The following ANKFN1 variants were observed in gnomAD, a reference collection of about 807,000 sequenced individuals.
The protein encoded by ANKFN1 is ankyrin repeat and fibronectin type III domain containing 1, also known as ankyrin repeat and fibronectin type-III domain-containing protein 1.
ANKFN1 carries 74 observed loss-of-function variants against 108.7 expected under a neutral mutation model. The observed-to-expected ratio is 0.68, with a 90% CI of 0.56 to 0.83. The LOEUF is 0.83. Among genes scored for constraint, ANKFN1 ranks in the 40% least tolerant of loss-of-function variants. The pLI, the probability that ANKFN1 is intolerant of heterozygous loss-of-function variation, is 0.00. For synonymous variants in ANKFN1, 547 were observed against 516.2 expected (o/e 1.06, Z -0.81); for missense variants, 1,505 against 1,382.3 (o/e 1.09, Z -1.41).
rs1555600058 is a variant in ANKFN1 at position 56,144,185 on chromosome 17, A to AT, written c.289-83732_289-83731insT. On this transcript the variant is annotated intron_variant, in intron 4 of 12. Transcript: ENST00000635860. ...AAAAAAAAAAAAAAAAAAAAAAAAA[A>AT]CAGCCCAAACCAAATGAATGCAGAG... Among the ~76,000 whole-genome samples, 13 of 99,240 alleles carry AT rather than the reference A, an allele frequency of 1.3e-4. 2 individuals carry two copies. Among genetic ancestry groups the AT allele is most frequent in the East Asian group, 1.1e-3 (3 of 2,838 alleles). The allele number at this position is 99,240 out of a possible 152,430, so 65.1% of individuals were successfully genotyped here.
At chr17:56,162,456 C>T (rs1054173110) in intron 1 of ANKFN1, among the ~76,000 whole-genome samples, 10 of 152,094 alleles carry the variant, frequency 6.6e-5, no homozygotes, top group African/African-American at 9.7e-5. Context: ...GTTGGGTCTT[C>T]GTGTGGTCCT....
intron 4 of ANKFN1, among the ~76,000 whole-genome samples, chr17:56,082,737 T>C (rs897827738): frequency 4.6e-5 from 7 of 152,210 alleles, no homozygotes; most frequent in African/African-American, 1.2e-4. Flanking sequence ...ATGGGCTTGA[T>C]CACAATCTGG....
At chr17:56,469,987 G>A (rs1325046570) in intron 15 of ANKFN1, among the ~76,000 whole-genome samples, 2 of 152,050 alleles carry the variant, frequency 1.3e-5, no homozygotes, top group East Asian at 3.9e-4. Flanking sequence ...CCCTCCCTGT[G>A]TCCATGTGTT....
At chr17:56,423,782 T>C (rs2048478342) in intron 8 of ANKFN1, among the ~76,000 whole-genome samples, 1 of 152,218 alleles carries the variant, frequency 6.6e-6, no homozygotes, top group African/African-American at 2.4e-5. Flanking sequence ...ATGTGCCTGT[T>C]ATAGGGAGCA....
chr17:56,240,781 A>G (rs1917523494), intron 3 of ANKFN1, among the ~76,000 whole-genome samples: 1 of 152,084 alleles, frequency 6.6e-6, no homozygotes, highest in Admixed American at 6.6e-5. Context: ...ATTTCTAGTG[A>G]AATTGAGCAT....
At chr17:56,421,042 T>G (rs1207493021) in intron 8 of ANKFN1, among the ~76,000 whole-genome samples, 1 of 152,132 alleles carries the variant, frequency 6.6e-6, no homozygotes, top group Non-Finnish European at 1.5e-5. Flanking sequence ...ATTTGTGTGC[T>G]GGGGGGCGGG....
At chr17:56,051,282 G>A (rs1424198772) in intron 4 of ANKFN1, among the ~76,000 whole-genome samples, 58 of 87,230 alleles carry the variant, frequency 6.6e-4, no homozygotes, top group African/African-American at 2.6e-3. Flanking sequence ...ATCAATAAAT[G>A]TAATCCAGCA....
Position 56,113,541 on chromosome 17 carries a change from T to C in ANKFN1, c.288+67216T>C, listed in dbSNP as rs373308447. 3.9e-5 allele frequency among the ~76,000 whole-genome samples: 6 copies of C among 152,208 alleles called. No individual in the cohort carries two copies. The East Asian group carries it at 1.2e-3, about 29-fold the overall frequency. On this transcript the variant is annotated intron_variant, in intron 4 of 12. Coordinates refer to the ANKFN1 transcript ENST00000635860. ...AGCTTTGATTGAATATCTGGACATG[T>C]ACTGTGGAACCATGGACAAGTTACA...
intron 4 of ANKFN1, among the ~76,000 whole-genome samples, chr17:56,097,854 T>C (rs1412632073): frequency 1.3e-5 from 2 of 152,202 alleles, no homozygotes; most frequent in Non-Finnish European, 2.9e-5. Flanking sequence ...AGATTTCCTA[T>C]CTTTATCATA....
chr17:56,371,353 C>A (rs941298667), intron 6 of ANKFN1, among the ~76,000 whole-genome samples: 3 of 152,146 alleles, frequency 2.0e-5, no homozygotes, highest in Non-Finnish European at 4.4e-5. Context: ...TGCACAGAGG[C>A]AATAATAAAT....
At chr17:56,251,516 C>G (rs2144059872) in intron 3 of ANKFN1, among the ~76,000 whole-genome samples, 1 of 152,298 alleles carries the variant, frequency 6.6e-6, no homozygotes, top group South Asian at 2.1e-4. Flanking sequence ...CAACATTTGA[C>G]TTAATTGCAC....
intron 4 of ANKFN1, among the ~76,000 whole-genome samples, chr17:56,106,148 A>T (rs1905748398): frequency 6.6e-6 from 1 of 152,150 alleles, no homozygotes; most frequent in African/African-American, 2.4e-5. Flanking sequence ...TGCAAGGAGG[A>T]TACTATTGTC....
At chr17:56,323,961 G>A (rs932325806) in intron 3 of ANKFN1, among the ~76,000 whole-genome samples, 1 of 152,184 alleles carries the variant, frequency 6.6e-6, no homozygotes, top group African/African-American at 2.4e-5. Flanking sequence ...GACCCTAACA[G>A]CCTAGGGGCT....
intron 1 of ANKFN1, among the ~76,000 whole-genome samples, chr17:56,184,431 G>A (rs1911993312): frequency 6.6e-6 from 1 of 152,104 alleles, no homozygotes; most frequent in Non-Finnish European, 1.5e-5. Flanking sequence ...TAATGCTGTT[G>A]CACAATTAAT....
At chr17:56,240,313 T>C (rs1210281480) in intron 3 of ANKFN1, among the ~76,000 whole-genome samples, 1 of 152,114 alleles carries the variant, frequency 6.6e-6, no homozygotes, top group Non-Finnish European at 1.5e-5. Flanking sequence ...TGCCATTCTG[T>C]ATTTTTTGTC....
At chr17:56,146,368 GC>G (rs1908262034) in intron 4 of ANKFN1, among the ~76,000 whole-genome samples, 1 of 152,214 alleles carries the variant, frequency 6.6e-6, no homozygotes, top group Non-Finnish European at 1.5e-5. Flanking sequence ...ACTAGGTCAT[GC>G]CCCAGTGGGG....
intron 8 of ANKFN1, among the ~76,000 whole-genome samples, chr17:56,411,259 T>C (rs905573034): frequency 6.6e-5 from 10 of 152,172 alleles, no homozygotes; most frequent in African/African-American, 2.4e-4. Flanking sequence ...CTATTGTAGG[T>C]AGGATTGTTT....
At chr17:56,479,445 T>C (rs1240040444) in intron 16 of ANKFN1, among the ~76,000 whole-genome samples, 1 of 152,218 alleles carries the variant, frequency 6.6e-6, no homozygotes, top group African/African-American at 2.4e-5. Flanking sequence ...TCTCAAATAT[T>C]TCAATTATTT....
chr17:56,280,650 A>G (rs1405966137), intron 3 of ANKFN1, among the ~76,000 whole-genome samples: 1 of 152,206 alleles, frequency 6.6e-6, no homozygotes, highest in Non-Finnish European at 1.5e-5. Context: ...ATCTATATAT[A>G]TCCCATTTGT....
Sources: gnomAD v4.1 joint callset for allele counts (sites outside exome capture counted in the v4.1 genomes callset) on GRCh38, gnomAD v4.1.1 for gene constraint, MANE v1.5 for transcripts, NCBI Gene and HGNC (gene_info 2026-07-23, HGNC 2026-07-21) for gene names.